The following ATP2B2 variants were observed in gnomAD, a reference collection of about 807,000 sequenced individuals.
The protein encoded by ATP2B2 is ATPase plasma membrane Ca2+ transporting 2.
ATP2B2 carries 15 observed loss-of-function variants against 120.0 expected under a neutral mutation model. That is an observed-to-expected ratio of 0.12 (90% confidence interval 0.08 to 0.19). ATP2B2 has a LOEUF of 0.19. Ranked by LOEUF, ATP2B2 falls within the 10% of genes least tolerant of loss-of-function variation. ATP2B2 has a pLI of 1.00. For synonymous variants in ATP2B2, 694 were observed against 700.3 expected, an observed-to-expected ratio of 0.99 and a Z score of 0.14; for missense variants, 1,045 against 1,719.8, an observed-to-expected ratio of 0.61 and a Z score of 6.94.
chr3:10,328,219 G>T lies in ATP2B2; in HGVS notation c.*595C>A, dbSNP rs927802018. The T allele has an allele frequency of 6.5e-6, 1 of 153,210 alleles. No individual in the cohort carries two copies. The highest frequency in any genetic ancestry group is 2.4e-5 in the African/African-American group (1 of 41,368). 9.5% of individuals were successfully genotyped at this position (153,210 alleles called of 1,614,324 possible). A position where few individuals can be genotyped will look rare whatever the true frequency, so the allele number is the denominator to read the frequency against. On this transcript the variant is annotated 3_prime_UTR_variant, in exon 23 of 23. Transcript: ENST00000360273. ...TACAAAGAAATGGATATAACCTTGT[G>T]AGTGTCTATGAAGTTCTTCGGTTCC...
rs564944489 is a variant in ATP2B2, at chr3:10,559,619, G to A, written c.-414-25486C>T. On this transcript the variant is annotated intron_variant, in intron 2 of 21. Coordinates refer to the ATP2B2 transcript ENST00000646379. ...CAGGGTACAGAGAGATGTGCTCAAG[G>A]TCACCCAGCCCAGGGTGCTGGAGTT... Among the ~76,000 whole-genome samples the A allele has an allele frequency of 2.0e-5, 3 of 152,234 alleles. No individual in the cohort carries two copies. The South Asian group carries it at 6.2e-4, about 32-fold the overall frequency.
intron 3 of ATP2B2, among the ~76,000 whole-genome samples, chr3:10,526,114 AT>A (rs1286252673): frequency 2.6e-5 from 4 of 152,230 alleles, no homozygotes; most frequent in Non-Finnish European, 1.5e-5. Flanking sequence ...TGTGTGTAAT[AT>A]TTGTATTATT....
intron 1 of ATP2B2, among the ~76,000 whole-genome samples, chr3:10,465,531 G>T (rs1479113871): frequency 6.6e-6 from 1 of 152,216 alleles, no homozygotes; most frequent in Non-Finnish European, 1.5e-5. Context: ...CTGCCTCTAG[G>T]ATCTGTCCTC....
At chr3:10,561,377 C>T (rs964048415) in intron 2 of ATP2B2, among the ~76,000 whole-genome samples, 2 of 152,210 alleles carry the variant, frequency 1.3e-5, no homozygotes, top group Non-Finnish European at 2.9e-5. Context: ...TGGCATCATA[C>T]TGGTTAACCC....
At chr3:10,706,533 C>G (rs770813747) in intron 1 of ATP2B2, among the ~76,000 whole-genome samples, 29 of 152,310 alleles carry the variant, frequency 1.9e-4, no homozygotes, top group Admixed American at 7.2e-4. Context: ...TAGACAGGCA[C>G]AGATGCTCAA....
chr3:10,595,914 C>T (rs1312027234), intron 2 of ATP2B2, among the ~76,000 whole-genome samples: 3 of 152,182 alleles, frequency 2.0e-5, no homozygotes, highest in Admixed American at 6.5e-5. Flanking sequence ...GAGCACCATA[C>T]TCTAGCCACA....
At chr3:10,488,743 C>T (rs534281632) in intron 1 of ATP2B2, among the ~76,000 whole-genome samples, 1 of 152,246 alleles carries the variant, frequency 6.6e-6, no homozygotes, top group South Asian at 2.1e-4. Flanking sequence ...CTTTCTCCAC[C>T]TCCAGTCTCC....
chr3:10,448,489 A>ACCCAAGCTGGGCGG (rs2063917286), intron 2 of ATP2B2, among the ~76,000 whole-genome samples: 1 of 152,140 alleles, frequency 6.6e-6, no homozygotes, highest in South Asian at 2.1e-4. Context: ...GAGGTCTGGT[A>ACCCAAGCTGGGCGG]CCCAAGCTGG....
At chr3:10,462,980 C>G (rs2064562290) in intron 1 of ATP2B2, among the ~76,000 whole-genome samples, 1 of 152,160 alleles carries the variant, frequency 6.6e-6, no homozygotes, top group South Asian at 2.1e-4. Context: ...ACAACTAATG[C>G]AAGTTCCTGC....
At position 10,325,122 on chromosome 3, in the gene ATP2B2, C is replaced by T. The variant is rs2059837777; in HGVS notation, c.*3692G>A. The T allele has an allele frequency of 6.6e-6, 1 of 151,920 alleles. No individual in the cohort carries two copies. Among genetic ancestry groups the T allele is most frequent in the African/African-American group, 2.4e-5 (1 of 41,316 alleles). The allele number at this position is 151,920 out of a possible 1,614,324, so 9.4% of individuals were successfully genotyped here. ...GCCCTTTTTGTCCCTCTTTACAGAA[C>T]ATAGTCTATTTCACAGCCCTGAGTG... On this transcript the variant is annotated 3_prime_UTR_variant, in exon 23 of 23. Coordinates refer to ENST00000360273, the MANE Select transcript of ATP2B2 (RefSeq NM_001001331.4).
chr3:10,531,324 C>T (rs2067205645), intron 3 of ATP2B2, among the ~76,000 whole-genome samples: 1 of 152,238 alleles, frequency 6.6e-6, no homozygotes. Flanking sequence ...GGTCAGAGTG[C>T]TGGTTCCCAG....
At chr3:10,466,891 C>G (rs114493482) in intron 1 of ATP2B2, among the ~76,000 whole-genome samples, 3,005 of 152,310 alleles carry the variant, frequency 0.02, 114 homozygotes, top group African/African-American at 0.069. Context: ...CAGGGGTGAC[C>G]GTGCAGCTCA....
chr3:10,378,206 G>A (rs750733768), intron 10 of ATP2B2, 46 bp downstream of exon 10: 7 of 1,590,398 alleles, frequency 4.4e-6, no homozygotes, highest in Non-Finnish European at 2.6e-6. Flanking sequence ...TCTGCCTGGG[G>A]TCCCCCTGTG....
intron 8 of ATP2B2, among the ~76,000 whole-genome samples, chr3:10,382,197 A>ACTTTTT (rs2061549496): frequency 8.2e-6 from 1 of 122,322 alleles, no homozygotes; most frequent in Admixed American, 8.6e-5. Flanking sequence ...AGCTAATTAA[A>ACTTTTT]TTTTTTTTTT....
chr3:10,654,779 T>TA (rs3030786), intron 1 of ATP2B2, among the ~76,000 whole-genome samples: 30,653 of 143,342 alleles, frequency 0.21, 5,249 homozygotes, highest in African/African-American at 0.47. Flanking sequence ...GGGAAGCTGG[T>TA]AAAAAAAAAA....
At chr3:10,633,867 T>C (rs576673851) in intron 1 of ATP2B2, among the ~76,000 whole-genome samples, 2 of 152,270 alleles carry the variant, frequency 1.3e-5, no homozygotes, top group East Asian at 1.9e-4. Flanking sequence ...TGCCAAGACA[T>C]AACAGAGACA....
At chr3:10,619,295 G>A (rs2069482008) in intron 2 of ATP2B2, among the ~76,000 whole-genome samples, 2 of 152,118 alleles carry the variant, frequency 1.3e-5, no homozygotes, top group Non-Finnish European at 2.9e-5. Flanking sequence ...CAAAGACTGT[G>A]GTCCCAGAGC....
At chr3:10,396,314 C>T (rs369985588) in intron 5 of ATP2B2, among the ~76,000 whole-genome samples, 210 of 152,386 alleles carry the variant, frequency 1.4e-3, no homozygotes, top group African/African-American at 4.8e-3. Flanking sequence ...CCAGCTTCCC[C>T]ATTGCACTGA....
intron 2 of ATP2B2, among the ~76,000 whole-genome samples, chr3:10,546,145 G>A (rs561135197): frequency 1.1e-4 from 17 of 152,238 alleles, no homozygotes; most frequent in South Asian, 6.2e-4. Flanking sequence ...CATGCATGCC[G>A]GAGGCCAGTT....
Sources: gnomAD v4.1 joint callset for allele counts (sites outside exome capture counted in the v4.1 genomes callset) on GRCh38, gnomAD v4.1.1 for gene constraint, MANE v1.5 for transcripts, NCBI Gene and HGNC (gene_info 2026-07-23, HGNC 2026-07-21) for gene names.